The following HMCN1 variants were observed in gnomAD, a reference collection of about 807,000 sequenced individuals.
The protein encoded by HMCN1 is hemicentin-1.
HMCN1 carries 321 observed loss-of-function variants against 625.9 expected under a neutral mutation model. The ratio of observed to expected loss-of-function variants is 0.51; its 90% CI spans 0.47 to 0.56. The LOEUF is 0.56. Ranked by LOEUF, HMCN1 falls within the 20% of genes least tolerant of loss-of-function variation. HMCN1 has a pLI of 0.00. For synonymous variants in HMCN1, 2,425 were observed against 2,417.6 expected (o/e 1.00, Z -0.09); for missense variants, 6,588 against 6,887.3 (o/e 0.96, Z 1.54).
intron 1 of HMCN1, among the ~76,000 whole-genome samples, chr1:185,811,975 C>T (rs892758261): frequency 2.0e-5 from 3 of 152,186 alleles, no homozygotes; most frequent in African/African-American, 4.8e-5. Context: ...TGGAGACAGA[C>T]ATTAGCAATG....
intron 11 of HMCN1, among the ~76,000 whole-genome samples, chr1:185,959,014 G>C (rs907517754): frequency 6.6e-6 from 1 of 152,168 alleles, no homozygotes; most frequent in South Asian, 2.1e-4. Context: ...AAGGCATAAA[G>C]TGTCTGAAAC....
At chr1:186,126,334 T>C (rs1661644074) in intron 82 of HMCN1, among the ~76,000 whole-genome samples, 1 of 152,108 alleles carries the variant, frequency 6.6e-6, no homozygotes, top group African/African-American at 2.4e-5. Flanking sequence ...CTAGCACTGG[T>C]TTAGGCACTG....
intron 105 of HMCN1, among the ~76,000 whole-genome samples, chr1:186,184,185 A>G (rs1357140505): frequency 6.6e-6 from 1 of 152,210 alleles, no homozygotes; most frequent in African/African-American, 2.4e-5. Flanking sequence ...AATGTCTGCA[A>G]TTTAAATGGG....
chr1:186,162,174 T>C (rs1651539613), intron 97 of HMCN1, among the ~76,000 whole-genome samples: 2 of 152,214 alleles, frequency 1.3e-5, no homozygotes, highest in African/African-American at 4.8e-5. Flanking sequence ...CATTTCATCT[T>C]CTATTGCTGA....
chr1:186,003,646 A>C (rs1021798386), intron 28 of HMCN1, 72 bp from the exon 29 acceptor site: 24 of 1,418,612 alleles, frequency 1.7e-5, no homozygotes, highest in Non-Finnish European at 2.2e-5. Context: ...GAAATCATTG[A>C]CTGCTTTCTA....
chr1:185,836,536 T>C (rs1319561045), intron 1 of HMCN1, among the ~76,000 whole-genome samples: 1 of 152,202 alleles, frequency 6.6e-6, no homozygotes, highest in Non-Finnish European at 1.5e-5. Flanking sequence ...TTTTTAACCA[T>C]TTCTCCATTT....
At chr1:185,777,492 G>A (rs557546254) in intron 1 of HMCN1, among the ~76,000 whole-genome samples, 2 of 150,848 alleles carry the variant, frequency 1.3e-5, no homozygotes, top group Non-Finnish European at 2.9e-5. Context: ...TCGCTCTGTC[G>A]CCAGGCTGGA....
intron 53 of HMCN1, among the ~76,000 whole-genome samples, chr1:186,075,641 T>C (rs931313072): frequency 3.2e-4 from 48 of 152,188 alleles, no homozygotes; most frequent in Non-Finnish European, 6.2e-4. Flanking sequence ...TTACTCTTGA[T>C]GTTGCTAACT....
chr1:185,989,728 C>T lies in HMCN1; in HGVS notation c.3208+81C>T, dbSNP rs1571673860. Reference sequence around the variant, plus strand: ...CACAGTTCTTTCCCCAATACTGTTACCAGATGCATGTACCCCTAAAGTGAA... The same window carrying T: ...CACAGTTCTTTCCCCAATACTGTTATCAGATGCATGTACCCCTAAAGTGAA... On this transcript the variant is annotated intron_variant, in intron 21 of 106. Coordinates refer to ENST00000271588, the MANE Select transcript of HMCN1 (RefSeq NM_031935.3). The T allele has an allele frequency of 1.2e-5, 16 of 1,292,822 alleles. No homozygotes were observed. The East Asian group carries it at 3.3e-4, about 27-fold the overall frequency. The allele number at this position is 1,292,822 out of a possible 1,614,324, so 80.1% of individuals were successfully genotyped here.
At chr1:185,901,301 C>T (rs1473693438) in intron 4 of HMCN1, among the ~76,000 whole-genome samples, 3 of 151,792 alleles carry the variant, frequency 2.0e-5, no homozygotes, top group Non-Finnish European at 4.4e-5. Flanking sequence ...TCTCCCAACT[C>T]TCTCTCTTTC....
rs1200808975 is a variant in HMCN1 at position 186,076,577 on chromosome 1, G to T, written c.8440G>T (p.Asp2814Tyr). ...CCCTCCTACACTGACATGGTACAAA[G>T]ATGGCCACCCTCTGACCTCAAGTGA... is the stretch of plus-strand genomic sequence containing the variant. ...APPPTLTWYK[D>Y]GHPLTSSDKV... Residue 2814 changes from aspartate (D) to tyrosine (Y), a missense_variant, in exon 54 of 107, where the codon GAT becomes TAT. Physicochemically the swap from Asp to Tyr is radical, Grantham distance 160. Coordinates refer to ENST00000271588, the MANE Select transcript of HMCN1 (RefSeq NM_031935.3). 2.5e-6 allele frequency: 4 copies of T among 1,613,816 alleles called. No individual in the cohort carries two copies. In the South Asian group the frequency reaches 4.4e-5, roughly 18 times the overall value.
At chr1:185,771,944 TG>T (rs1656269403) in intron 1 of HMCN1, among the ~76,000 whole-genome samples, 1 of 152,154 alleles carries the variant, frequency 6.6e-6, no homozygotes, top group Non-Finnish European at 1.5e-5. Flanking sequence ...AATTTTCTCA[TG>T]GGGAGAATAG....
intron 8 of HMCN1, 91 bp downstream of exon 8, chr1:185,923,744 A>T (rs1332988813): frequency 8.3e-6 from 9 of 1,079,828 alleles, no homozygotes; most frequent in Non-Finnish European, 1.1e-5. Flanking sequence ...CAAATAAAAA[A>T]TAATGTCTTC....
intron 40 of HMCN1, among the ~76,000 whole-genome samples, chr1:186,042,945 A>G (rs1459988372): frequency 6.6e-6 from 1 of 152,110 alleles, no homozygotes; most frequent in Admixed American, 6.6e-5. Flanking sequence ...AGCTTTTCCT[A>G]CAATTATGAG....
At position 186,083,165 on chromosome 1, in the gene HMCN1, A is replaced by G. The variant is rs149846061; in HGVS notation, c.8884+204A>G. On this transcript the variant is annotated intron_variant, in intron 57 of 106. Coordinates refer to ENST00000271588, the MANE Select transcript of HMCN1 (RefSeq NM_031935.3). ...AAACTTCCAGGAACACAGTTTTTATATTACTTCAGTGTCTCAAGAGAAAAT... is the reference window on the plus strand; with the variant it reads ...AAACTTCCAGGAACACAGTTTTTATGTTACTTCAGTGTCTCAAGAGAAAAT... Among the ~76,000 whole-genome samples the G allele has an allele frequency of 3.7e-3, 563 of 152,246 alleles. 3 individuals carry two copies. The highest frequency in any genetic ancestry group is 0.013 in the African/African-American group (536 of 41,558).
chr1:185,925,060 T>TA lies in HMCN1; in HGVS notation c.1300dup (p.Thr434AsnfsTer4). On this transcript the variant is annotated frameshift_variant, in exon 9 of 107. Coordinates refer to ENST00000271588, the MANE Select transcript of HMCN1 (RefSeq NM_031935.3). LOFTEE classifies it high-confidence loss of function. ...TTTTTTTCCTAGATGCTCCCAAAGT[T>TA]ACGATGCCTGAGAAAACCCCAGGAT... is the stretch of plus-strand genomic sequence containing the variant. 1 of 1,612,728 alleles carries TA rather than the reference T, an allele frequency of 6.2e-7. No homozygotes were observed. The highest frequency in any genetic ancestry group is 8.5e-7 in the Non-Finnish European group (1 of 1,179,178).
At chr1:185,891,681 C>T (rs1338301816) in intron 4 of HMCN1, among the ~76,000 whole-genome samples, 1 of 148,184 alleles carries the variant, frequency 6.7e-6, no homozygotes, top group East Asian at 1.9e-4. Flanking sequence ...GAGAGATCCG[C>T]TGTTAGTCTG....
Position 185,993,283 on chromosome 1 carries a change from C to T in HMCN1, c.3479C>T (p.Thr1160Ile), listed in dbSNP as rs1352432804. 1.9e-6 allele frequency: 3 copies of T among 1,613,088 alleles called. No homozygotes were observed. The African/African-American group carries it at 4.0e-5, about 22-fold the overall frequency. ...GCCACAAATATTGCTGGGAATGTGA[C>T]TCAGGCTGTCAAATTAAATGTCCAT... The part of the protein sequence containing the change: ...CVATNIAGNV[T>I]QAVKLNVHVP... Residue 1160 changes from threonine to isoleucine, a missense_variant, in exon 23 of 107, where the codon ACT becomes ATT. Thr to Ile is a moderately conservative substitution (Grantham distance 89). This residue lies in a region of HMCN1 where 4,628 missense variants were observed against 4,853.1 expected (regional missense o/e 0.95). Transcript: ENST00000271588.
intron 1 of HMCN1, among the ~76,000 whole-genome samples, chr1:185,800,378 C>T (rs73070567): frequency 0.091 from 13,841 of 152,064 alleles, 2,038 homozygotes; most frequent in African/African-American, 0.31. Flanking sequence ...GAGTGCTAGC[C>T]ACACCTAGTC....
Sources: allele counts gnomAD v4.1 joint callset (sites outside exome capture counted in the v4.1 genomes callset), GRCh38; gene constraint gnomAD v4.1.1; regional missense constraint gnomAD v4.1.1; transcripts MANE v1.5; gene names NCBI Gene and HGNC (gene_info 2026-07-23, HGNC 2026-07-21).